ZNF385D: variants seen among roughly 807,000 people sequenced by gnomAD.
The protein encoded by ZNF385D is zinc finger protein 385D.
ZNF385D carries 15 observed loss-of-function variants against 35.8 expected under a neutral mutation model. That is an observed-to-expected ratio of 0.42 (90% CI 0.28 to 0.64). The LOEUF is 0.64. Among genes scored for constraint, ZNF385D ranks in the 30% least tolerant of loss-of-function variants. The pLI is 0.23. For synonymous variants in ZNF385D, 212 were observed against 186.8 expected, an observed-to-expected ratio of 1.13 and a Z score of -1.10; for missense variants, 474 against 494.6, an observed-to-expected ratio of 0.96 and a Z score of 0.39.
At chr3:22,170,605 T>C (rs1055831822) in intron 2 of ZNF385D, among the ~76,000 whole-genome samples, 1 of 152,200 alleles carries the variant, frequency 6.6e-6, no homozygotes, top group African/African-American at 2.4e-5. Flanking sequence ...CTTGTTAAAA[T>C]AATTTAAATA....
At chr3:21,741,547 G>A in intron 1 of ZNF385D, among the ~76,000 whole-genome samples, 1 of 152,014 alleles carries the variant, frequency 6.6e-6, no homozygotes, top group East Asian at 1.9e-4. Context: ...AGCGTCATAA[G>A]TTGTAAATTG....
chr3:22,216,483 T>C (rs1197030006), intron 2 of ZNF385D, among the ~76,000 whole-genome samples: 2 of 152,062 alleles, frequency 1.3e-5, no homozygotes, highest in African/African-American at 4.8e-5. Context: ...GCGTTCTTCA[T>C]GAAAGCTAAG....
At chr3:22,293,198 C>T (rs1187220189) in intron 2 of ZNF385D, among the ~76,000 whole-genome samples, 2 of 152,038 alleles carry the variant, frequency 1.3e-5, no homozygotes, top group Admixed American at 6.6e-5. Context: ...TATTCATTTG[C>T]ATGTGTCATA....
At chr3:21,949,199 CAG>C (rs1195962793) in intron 3 of ZNF385D, among the ~76,000 whole-genome samples, 1 of 152,134 alleles carries the variant, frequency 6.6e-6, no homozygotes, top group Non-Finnish European at 1.5e-5. Flanking sequence ...CTTAGGGAAA[CAG>C]AATTTTTGGC....
intron 4 of ZNF385D, among the ~76,000 whole-genome samples, chr3:21,503,574 T>C (rs1487999733): frequency 6.6e-6 from 1 of 152,200 alleles, no homozygotes; most frequent in Non-Finnish European, 1.5e-5. Context: ...ATGAATTTTT[T>C]TAAAAATGTG....
intron 3 of ZNF385D, among the ~76,000 whole-genome samples, chr3:21,531,349 A>G (rs115994087): frequency 0.012 from 1,842 of 152,282 alleles, 40 homozygotes; most frequent in African/African-American, 0.042. Context: ...CAGTTTGTCA[A>G]TTTCTTACAA....
chr3:22,186,236 G>GA (rs1047706568), intron 2 of ZNF385D, among the ~76,000 whole-genome samples: 1 of 151,864 alleles, frequency 6.6e-6, no homozygotes, highest in South Asian at 2.1e-4. Flanking sequence ...TAATGTATCA[G>GA]AAAAAAAATC....
At chr3:21,659,928 C>T (rs1449506484) in intron 2 of ZNF385D, among the ~76,000 whole-genome samples, 6 of 152,100 alleles carry the variant, frequency 3.9e-5, no homozygotes, top group Non-Finnish European at 2.9e-5. Flanking sequence ...AACATGATTA[C>T]CTGTGATTTC....
At chr3:21,911,137 A>T (rs975603128) in intron 3 of ZNF385D, among the ~76,000 whole-genome samples, 1 of 151,984 alleles carries the variant, frequency 6.6e-6, no homozygotes, top group Non-Finnish European at 1.5e-5. Flanking sequence ...TCCAAAATGC[A>T]AAATAGATCT....
intron 4 of ZNF385D, among the ~76,000 whole-genome samples, chr3:21,483,474 G>A (rs1704794902): frequency 1.3e-5 from 2 of 151,996 alleles, no homozygotes; most frequent in Non-Finnish European, 2.9e-5. Context: ...AAGATTGCTG[G>A]GTCATATGGC....
chr3:21,775,071 T>A (rs2071232228), intron 3 of ZNF385D, among the ~76,000 whole-genome samples: 1 of 151,772 alleles, frequency 6.6e-6, no homozygotes, highest in Admixed American at 6.6e-5. Context: ...GAGATGAGCA[T>A]AATTTACTCT....
chr3:21,918,580 T>C (rs1284324735), intron 3 of ZNF385D, among the ~76,000 whole-genome samples: 3 of 152,168 alleles, frequency 2.0e-5, no homozygotes, highest in Admixed American at 6.5e-5. Context: ...ATGTCAATAG[T>C]TTTAGTGAAC....
intron 3 of ZNF385D, among the ~76,000 whole-genome samples, chr3:21,547,296 T>C (rs986922306): frequency 5.3e-5 from 8 of 152,100 alleles, no homozygotes; most frequent in Admixed American, 3.9e-4. Flanking sequence ...TTTTAACCAG[T>C]CGGGCTTTTG....
At chr3:22,098,373 A>T (rs747029318) in intron 3 of ZNF385D, among the ~76,000 whole-genome samples, 3 of 152,142 alleles carry the variant, frequency 2.0e-5, no homozygotes, top group South Asian at 2.1e-4. Flanking sequence ...AATGAACACA[A>T]TTTTTTTCAA....
At chr3:21,908,146 CTATCTATCTATCTATCTA>C (rs1699785899) in intron 3 of ZNF385D, among the ~76,000 whole-genome samples, 1 of 150,310 alleles carries the variant, frequency 6.7e-6, no homozygotes, top group South Asian at 2.1e-4. Flanking sequence ...ATCTATCTAT[CTATCTATCTATCTATCTA>C]TCTATCTATA....
chr3:21,725,220 A>G (rs770678787), intron 1 of ZNF385D, among the ~76,000 whole-genome samples: 1 of 152,186 alleles, frequency 6.6e-6, no homozygotes, highest in African/African-American at 2.4e-5. Flanking sequence ...GAAGCCCACA[A>G]GAAAAAGCAG....
At chr3:21,794,112 G>C (rs908082062) in intron 3 of ZNF385D, among the ~76,000 whole-genome samples, 1 of 152,126 alleles carries the variant, frequency 6.6e-6, no homozygotes, top group Non-Finnish European at 1.5e-5. Context: ...AAAAACAAAT[G>C]AGAGCCTTAT....
chr3:21,636,043 A>G (rs1431210835), intron 2 of ZNF385D, among the ~76,000 whole-genome samples: 2 of 151,994 alleles, frequency 1.3e-5, no homozygotes, highest in Admixed American at 1.3e-4. Flanking sequence ...TCTTTTTCAT[A>G]TAATGACTTC....
At chr3:22,208,238 A>G (rs979510452) in intron 2 of ZNF385D, among the ~76,000 whole-genome samples, 7 of 151,954 alleles carry the variant, frequency 4.6e-5, no homozygotes, top group Non-Finnish European at 1.0e-4. Context: ...ACATATACAC[A>G]ATGGAGAGCT....
Sources: allele counts gnomAD v4.1 joint callset (sites outside exome capture counted in the v4.1 genomes callset), GRCh38; gene constraint gnomAD v4.1.1; transcripts MANE v1.5; gene names NCBI Gene and HGNC (gene_info 2026-07-23, HGNC 2026-07-21).